Variants in RAB43 observed in about 807,000 individuals in gnomAD.
The protein encoded by RAB43 is ras-related protein Rab-43.
A neutral mutation model predicts 18.8 loss-of-function variants in RAB43; 6 were observed. That is an observed-to-expected ratio of 0.32 (90% CI 0.17 to 0.63). The LOEUF (loss-of-function observed/expected upper bound fraction) is 0.63. Among genes scored for constraint, RAB43 ranks in the 30% least tolerant of loss-of-function variants. The pLI is 0.79. For missense variants in RAB43, 195 were observed against 289.1 expected, an observed-to-expected ratio of 0.67 and a Z score of 2.36; for synonymous variants, 103 against 124.1, an observed-to-expected ratio of 0.83 and a Z score of 1.13.
chr3:129,115,548 G>T (rs1027304297), intron 1 of RAB43, among the ~76,000 whole-genome samples: 1 of 151,962 alleles, frequency 6.6e-6, no homozygotes, highest in Non-Finnish European at 1.5e-5. Flanking sequence ...GGCCAGGCGC[G>T]GTGGCTCACA....
chr3:129,100,898 C>G (rs1328102707), intron 1 of RAB43, among the ~76,000 whole-genome samples: 1 of 152,194 alleles, frequency 6.6e-6, no homozygotes, highest in Non-Finnish European at 1.5e-5. Flanking sequence ...CCTCTGTCTC[C>G]CAGGTTGAAG....
chr3:129,091,373 AGGCCATGGGGGCTG>A (rs1933639387), intron 2 of RAB43, 27 bp from the exon 3 acceptor site: 3 of 1,597,606 alleles, frequency 1.9e-6, no homozygotes, highest in East Asian at 2.3e-5. Flanking sequence ...GGGCAGCATG[AGGCCATGGGGGCTG>A]GGCAAGCCCA....
chr3:129,099,458 C>T (rs1398578590), intron 1 of RAB43, among the ~76,000 whole-genome samples: 2 of 151,760 alleles, frequency 1.3e-5, no homozygotes, highest in Non-Finnish European at 2.9e-5. Flanking sequence ...ACGATCTTCG[C>T]TCACCGCAAC....
intron 1 of RAB43, among the ~76,000 whole-genome samples, chr3:129,096,535 A>G (rs1400161387): frequency 1.3e-5 from 2 of 152,386 alleles, no homozygotes; most frequent in African/African-American, 2.4e-5. Flanking sequence ...GTCTCCACAC[A>G]TAACACGAAA....
intron 1 of RAB43, among the ~76,000 whole-genome samples, chr3:129,111,372 G>A (rs746317070): frequency 1.3e-5 from 2 of 151,954 alleles, no homozygotes; most frequent in East Asian, 1.9e-4. Flanking sequence ...AAAATTAGCC[G>A]GGCGTAGTGG....
At chr3:129,120,390 C>A (rs1241081132) in intron 1 of RAB43, among the ~76,000 whole-genome samples, 7 of 152,138 alleles carry the variant, frequency 4.6e-5, no homozygotes. Flanking sequence ...CTGAGGGTGT[C>A]CTGAAGATCA....
intron 1 of RAB43, among the ~76,000 whole-genome samples, chr3:129,099,744 A>C (rs180687154): frequency 3.9e-5 from 6 of 152,334 alleles, no homozygotes; most frequent in Admixed American, 3.3e-4. Flanking sequence ...TAAGTGGAAA[A>C]TTCACTGGAT....
intron 1 of RAB43, among the ~76,000 whole-genome samples, chr3:129,115,436 G>A (rs1353941810): frequency 1.3e-5 from 2 of 151,984 alleles, no homozygotes; most frequent in Admixed American, 6.6e-5. Context: ...CCCAGGAGGC[G>A]GAGGTTGCAG....
Position 129,091,054 on chromosome 3 carries a change from C to T in RAB43, c.*42G>A. 8.7e-6 allele frequency: 14 copies of T among 1,604,182 alleles called. No individual in the cohort carries two copies. The highest frequency in any genetic ancestry group is 1.2e-5 in the Non-Finnish European group (14 of 1,177,212). On this transcript the variant is annotated 3_prime_UTR_variant, in exon 3 of 3. Coordinates refer to ENST00000315150, the MANE Select transcript of RAB43 (RefSeq NM_198490.3). ...GCTGGGCTTGGCAGGCTGGGGAGAG[C>T]AAGGAGGTGGGGAACCCCCAGTCTG...
intron 1 of RAB43, among the ~76,000 whole-genome samples, chr3:129,114,983 G>A (rs1254850778): frequency 4.0e-5 from 6 of 151,588 alleles, no homozygotes; most frequent in African/African-American, 7.3e-5. Context: ...CCCACCCCCC[G>A]CAATCCACTC....
rs528356163 is a variant in RAB43 at position 129,095,731 on chromosome 3, T to G, written c.205-562A>C. 2.0e-5 allele frequency among the ~76,000 whole-genome samples: 3 copies of G among 152,274 alleles called. No individual in the cohort carries two copies. The South Asian group carries it at 6.2e-4, about 32-fold the overall frequency. ...CATGGGGCCTTTAAGTACAAGGCAG[T>G]TTCCACCAGCTGACCCAGCTTGGCC... On this transcript the variant is annotated intron_variant, in intron 1 of 2. Transcript: ENST00000315150. This position sits in a 1 kb window ranked among gnomAD's most constrained non-coding sequence, Gnocchi z 4.2.
At chr3:129,103,956 A>G (rs1011826845) in intron 1 of RAB43, among the ~76,000 whole-genome samples, 4 of 152,034 alleles carry the variant, frequency 2.6e-5, no homozygotes, top group Admixed American at 2.0e-4. Context: ...GCACACACAC[A>G]CACATGCACA....
chr3:129,112,086 C>A (rs1935206525), intron 1 of RAB43, among the ~76,000 whole-genome samples: 1 of 152,022 alleles, frequency 6.6e-6, no homozygotes, highest in African/African-American at 2.4e-5. Context: ...CCATCTATCT[C>A]TACTAAAAAT....
intron 1 of RAB43, among the ~76,000 whole-genome samples, chr3:129,112,592 C>G (rs1576843424): frequency 6.6e-6 from 1 of 152,128 alleles, no homozygotes; most frequent in Non-Finnish European, 1.5e-5. Context: ...CACCTTGCCC[C>G]CTTTAAGAGA....
Position 129,095,695 on chromosome 3 carries a change from C to A in RAB43, c.205-526G>T, listed in dbSNP as rs1934003119. 6.6e-6 allele frequency among the ~76,000 whole-genome samples: 1 copy of A among 152,154 alleles called. No homozygotes were observed. Reference sequence around the variant, plus strand: ...AAGGGTGACTGGTGGTGGCAATGGGCAGAGTCCTCCCATGGGGCCTTTAAG... The same window carrying A: ...AAGGGTGACTGGTGGTGGCAATGGGAAGAGTCCTCCCATGGGGCCTTTAAG... On this transcript the variant is annotated intron_variant, in intron 1 of 2. Coordinates refer to ENST00000315150, the MANE Select transcript of RAB43 (RefSeq NM_198490.3). The surrounding 1 kb of genome is among the most constrained non-coding windows in gnomAD (Gnocchi z 4.2).
At chr3:129,109,996 C>T (rs1245279613) in intron 1 of RAB43, among the ~76,000 whole-genome samples, 2 of 151,606 alleles carry the variant, frequency 1.3e-5, no homozygotes, top group Non-Finnish European at 2.9e-5. Context: ...TCCTGAGTAG[C>T]TGGGACTACA....
intron 1 of RAB43, among the ~76,000 whole-genome samples, chr3:129,118,185 G>T (rs186052155): frequency 6.6e-6 from 1 of 152,178 alleles, no homozygotes; most frequent in Non-Finnish European, 1.5e-5. Flanking sequence ...CATGTTGAAG[G>T]GCTAGTGAAG....
At chr3:129,092,904 C>T (rs995927070) in intron 2 of RAB43, among the ~76,000 whole-genome samples, 3 of 151,074 alleles carry the variant, frequency 2.0e-5, no homozygotes, top group African/African-American at 7.3e-5. Context: ...TGCCATGAGC[C>T]GAGATCGCGC....
intron 1 of RAB43, among the ~76,000 whole-genome samples, chr3:129,114,711 GGAAAGCA>G (rs1935410433): frequency 6.6e-6 from 1 of 152,130 alleles, no homozygotes; most frequent in Admixed American, 6.6e-5. Flanking sequence ...ACGAACAAGA[GGAAAGCA>G]AGGAAAGCAG....
Sources: gnomAD v4.1 joint callset for allele counts (sites outside exome capture counted in the v4.1 genomes callset) on GRCh38, gnomAD v4.1.1 for gene constraint, Gnocchi (gnomAD v3.1) non-coding constraint, MANE v1.5 for transcripts, NCBI Gene and HGNC (gene_info 2026-07-23, HGNC 2026-07-21) for gene names.